DNAJC15: variants seen among roughly 807,000 people sequenced by gnomAD.
DNAJC15 encodes the protein dnaJ homolog subfamily C member 15.
A neutral mutation model predicts 22.4 loss-of-function variants in DNAJC15; 27 were observed. The observed-to-expected ratio is 1.20, with a 90% CI of 0.89 to 1.66. The LOEUF is 1.66. DNAJC15 is among the 40% of genes most tolerant of loss of function. The pLI is 0.00. For missense variants in DNAJC15, 208 were observed against 187.1 expected (o/e 1.11, Z -0.65); for synonymous variants, 79 against 63.2 (o/e 1.25, Z -1.19).
At chr13:43,085,160 G>A (rs146353839) in intron 4 of DNAJC15, among the ~76,000 whole-genome samples, 6 of 152,206 alleles carry the variant, frequency 3.9e-5, no homozygotes, top group African/African-American at 1.2e-4. Context: ...TCAGGAGTTC[G>A]AGACCAGCCT....
chr13:43,099,262 T>C (rs9525738), intron 5 of DNAJC15, among the ~76,000 whole-genome samples: 34,847 of 152,168 alleles, frequency 0.23, 4,569 homozygotes, highest in Non-Finnish European at 0.31. Flanking sequence ...GCTGAACTTA[T>C]TTATTAGGTC....
intron 1 of DNAJC15, among the ~76,000 whole-genome samples, chr13:43,042,607 C>T (rs2040459159): frequency 6.6e-6 from 1 of 152,184 alleles, no homozygotes; most frequent in Non-Finnish European, 1.5e-5. Flanking sequence ...GAAAAAATGT[C>T]ATGGTGCCAC....
intron 1 of DNAJC15, among the ~76,000 whole-genome samples, chr13:43,064,935 A>G (rs2040576147): frequency 6.6e-6 from 1 of 151,246 alleles, no homozygotes; most frequent in African/African-American, 2.4e-5. Context: ...TTGGAAAAAT[A>G]TATCTAGCTA....
intron 3 of DNAJC15, among the ~76,000 whole-genome samples, chr13:43,069,931 C>A (rs2040600923): frequency 6.6e-6 from 1 of 152,000 alleles, no homozygotes; most frequent in Non-Finnish European, 1.5e-5. Flanking sequence ...ATAAATATTT[C>A]AAAACTTACC....
chr13:43,081,888 G>A (rs2040663614), intron 4 of DNAJC15, among the ~76,000 whole-genome samples: 1 of 152,052 alleles, frequency 6.6e-6, no homozygotes, highest in African/African-American at 2.4e-5. Flanking sequence ...CACATAGCTG[G>A]GGAGGCCTCA....
chr13:43,062,952 C>G (rs1170774391), intron 1 of DNAJC15, among the ~76,000 whole-genome samples: 8 of 151,946 alleles, frequency 5.3e-5, no homozygotes, highest in Admixed American at 3.9e-4. Context: ...CTCCTGACCT[C>G]AGGTAATCCA....
intron 1 of DNAJC15, among the ~76,000 whole-genome samples, chr13:43,037,672 A>G (rs888899838): frequency 2.0e-5 from 3 of 152,154 alleles, no homozygotes; most frequent in Non-Finnish European, 1.5e-5. Context: ...AGTAATTGTA[A>G]TAGCTACCAT....
At chr13:43,099,649 A>AT (rs547484717) in intron 5 of DNAJC15, among the ~76,000 whole-genome samples, 10 of 151,350 alleles carry the variant, frequency 6.6e-5, no homozygotes, top group African/African-American at 1.7e-4. Flanking sequence ...CATTATGTGA[A>AT]TTTTTTTTTC....
chr13:43,068,928 A>C lies in DNAJC15; in HGVS notation c.161-2A>C. 6.2e-7 allele frequency: 1 copy of C among 1,611,628 alleles called. No homozygotes were observed. Among genetic ancestry groups the C allele is most frequent in the Non-Finnish European group, 8.5e-7 (1 of 1,178,874 alleles). On this transcript the variant is annotated splice_acceptor_variant, in intron 2 of 5. Transcript: ENST00000379221. LOFTEE classifies it high-confidence loss of function. ...TTTGCTTTTATTCCCTTTACTATTT[A>C]GGTCGCTACGCATTTCGGATCTGGA...
In DNAJC15 at chr13:43,023,843, C is replaced by A. The variant is rs921549550; in HGVS notation, c.108+109C>A. The A allele has an allele frequency of 4.8e-6, 5 of 1,036,276 alleles. No homozygotes were observed. In the East Asian group the frequency reaches 7.9e-5, roughly 16 times the overall value. 64.2% of individuals were successfully genotyped at this position (1,036,276 alleles called of 1,614,324 possible). ...CTTTGTACTCCCCCGCATTCGCTCACGGTCTGTGCCCTAGCGCTCACTTGT... is the reference window on the plus strand; with the variant it reads ...CTTTGTACTCCCCCGCATTCGCTCAAGGTCTGTGCCCTAGCGCTCACTTGT... On this transcript the variant is annotated intron_variant, in intron 1 of 5. Coordinates refer to ENST00000379221, the MANE Select transcript of DNAJC15 (RefSeq NM_013238.3).
intron 3 of DNAJC15, among the ~76,000 whole-genome samples, chr13:43,074,540 G>A (rs1333969032): frequency 1.3e-5 from 2 of 152,076 alleles, no homozygotes; most frequent in East Asian, 1.9e-4. Flanking sequence ...TCAGAAAATG[G>A]TTCTGCAGTG....
At chr13:43,066,852 C>CTCGT (rs2040586578) in intron 2 of DNAJC15, among the ~76,000 whole-genome samples, 1 of 152,148 alleles carries the variant, frequency 6.6e-6, no homozygotes, top group African/African-American at 2.4e-5. Context: ...ATCGCCTGAC[C>CTCGT]TCGTGATCCA....
At chr13:43,055,587 C>T (rs1368143834) in intron 1 of DNAJC15, among the ~76,000 whole-genome samples, 2 of 152,196 alleles carry the variant, frequency 1.3e-5, no homozygotes, top group Non-Finnish European at 2.9e-5. Flanking sequence ...TCTCCCGTTT[C>T]ATTTCTAATT....
At chr13:43,102,501 C>T (rs1039354452) in intron 5 of DNAJC15, among the ~76,000 whole-genome samples, 2 of 151,958 alleles carry the variant, frequency 1.3e-5, no homozygotes, top group African/African-American at 4.8e-5. Flanking sequence ...TTTGGCTGGG[C>T]GTGGTGATTC....
intron 1 of DNAJC15, among the ~76,000 whole-genome samples, chr13:43,033,457 C>G (rs1377188864): frequency 6.6e-6 from 1 of 152,062 alleles, no homozygotes; most frequent in Admixed American, 6.5e-5. Context: ...ATTATTAACC[C>G]AAGTCATATT....
intron 5 of DNAJC15, among the ~76,000 whole-genome samples, chr13:43,086,241 T>C (rs757890945): frequency 9.9e-5 from 15 of 152,224 alleles, no homozygotes; most frequent in Non-Finnish European, 2.9e-5. Flanking sequence ...TAATATGTCA[T>C]AGATGATTCT....
chr13:43,096,448 AT>A (rs1163672816), intron 5 of DNAJC15, among the ~76,000 whole-genome samples: 2 of 152,162 alleles, frequency 1.3e-5, no homozygotes, highest in African/African-American at 4.8e-5. Flanking sequence ...TGGATCCCAG[AT>A]TTTTTATGGA....
chr13:43,035,747 A>T (rs9594868), intron 1 of DNAJC15, among the ~76,000 whole-genome samples: 7,334 of 152,032 alleles, frequency 0.048, 593 homozygotes, highest in African/African-American at 0.17. Flanking sequence ...TTGAGACAGG[A>T]TCTTGCTCTG....
intron 5 of DNAJC15, among the ~76,000 whole-genome samples, chr13:43,088,793 G>T (rs1334024437): frequency 6.6e-6 from 1 of 151,088 alleles, no homozygotes; most frequent in African/African-American, 2.4e-5. Context: ...TAATCTCCAA[G>T]AGTCAGCATG....
Sources: allele counts gnomAD v4.1 joint callset (sites outside exome capture counted in the v4.1 genomes callset), GRCh38; gene constraint gnomAD v4.1.1; transcripts MANE v1.5; gene names NCBI Gene and HGNC (gene_info 2026-07-23, HGNC 2026-07-21).